URI1: variants seen among roughly 807,000 people sequenced by gnomAD.
URI1 encodes unconventional prefoldin RPB5 interactor 1.
In URI1, 39 loss-of-function variants were observed where a neutral mutation model predicts 60.2. The observed-to-expected ratio is 0.65, with a 90% CI of 0.50 to 0.85. The LOEUF (loss-of-function observed/expected upper bound fraction) is 0.85, where lower values mean the gene tolerates loss of function less well. URI1 is among the 40% of genes least tolerant of loss of function. The pLI is 0.00. For synonymous variants in URI1, 251 were observed against 236.8 expected (o/e 1.06, Z -0.55); for missense variants, 691 against 665.9 (o/e 1.04, Z -0.42).
chr19:29,992,123 G>A (rs1018167058), intron 4 of URI1, among the ~76,000 whole-genome samples: 4 of 152,188 alleles, frequency 2.6e-5, no homozygotes, highest in Non-Finnish European at 5.9e-5. Context: ...AGGCTGGAGT[G>A]CAGTGGCCTG....
At chr19:29,978,995 T>C (rs1161889007) in intron 2 of URI1, among the ~76,000 whole-genome samples, 1 of 152,012 alleles carries the variant, frequency 6.6e-6, no homozygotes, top group Non-Finnish European at 1.5e-5. Context: ...GAGCCTAGAG[T>C]TTTTCTAGTT....
intron 1 of URI1, among the ~76,000 whole-genome samples, chr19:29,944,197 CTT>C (rs1219199410): frequency 1.6e-5 from 1 of 60,866 alleles, no homozygotes; most frequent in South Asian, 5.2e-4. Context: ...ATATATAAAA[CTT>C]AACTAGTTTG....
At chr19:29,941,324 G>T (rs939445625), upstream of URI1, among the ~76,000 whole-genome samples, 1 of 152,138 alleles carries the variant, frequency 6.6e-6, no homozygotes, top group Non-Finnish European at 1.5e-5. Flanking sequence ...TAAAATAATT[G>T]GAACGGCCAG....
At chr19:30,011,687 T>G (rs979667745) in intron 9 of URI1, among the ~76,000 whole-genome samples, 1 of 151,982 alleles carries the variant, frequency 6.6e-6, no homozygotes, top group Non-Finnish European at 1.5e-5. Flanking sequence ...ATACCTACTG[T>G]TTTTATGACC....
At chr19:29,928,167 C>G (rs994652946) in intron 1 of URI1, among the ~76,000 whole-genome samples, 3 of 152,084 alleles carry the variant, frequency 2.0e-5, no homozygotes, top group Non-Finnish European at 4.4e-5. Flanking sequence ...GCATGAGCCT[C>G]TGAATGAGAG....
intron 4 of URI1, among the ~76,000 whole-genome samples, chr19:29,988,167 C>CAAAA (rs34327695): frequency 7.1e-6 from 1 of 140,514 alleles, no homozygotes; most frequent in Non-Finnish European, 1.5e-5. Flanking sequence ...AATTTTGTCT[C>CAAAA]AAAAAAAAAA....
At chr19:29,973,797 A>T (rs954455355) in intron 2 of URI1, among the ~76,000 whole-genome samples, 1 of 152,194 alleles carries the variant, frequency 6.6e-6, no homozygotes, top group Non-Finnish European at 1.5e-5. Flanking sequence ...AAAAGGAAAG[A>T]TTCAAGCCTA....
chr19:30,003,738 T>C (rs1568442879), intron 4 of URI1, among the ~76,000 whole-genome samples: 1 of 152,054 alleles, frequency 6.6e-6, no homozygotes, highest in Non-Finnish European at 1.5e-5. Flanking sequence ...TACCTTTAGC[T>C]TAGTTGCACA....
In URI1 at chr19:29,942,491, G is replaced by T. The variant is rs1408004514; in HGVS notation, c.-57G>T. 1.7e-6 allele frequency: 2 copies of T among 1,143,508 alleles called. No individual in the cohort carries two copies. Among genetic ancestry groups the T allele is most frequent in the African/African-American group, 1.6e-5 (1 of 61,100 alleles). The allele number at this position is 1,143,508 out of a possible 1,614,324, so 70.8% of individuals were successfully genotyped here. On this transcript the variant is annotated 5_prime_UTR_variant, in exon 1 of 11. Transcript: ENST00000392271. ...GCGCTGGGCAACTGCCGGCCGCGCC[G>T]CCTGCGCAGGCGCTGGTTCAGGACT... is the stretch of plus-strand genomic sequence containing the variant.
intron 1 of URI1, among the ~76,000 whole-genome samples, chr19:29,934,357 G>A (rs2054949942): frequency 1.3e-5 from 2 of 152,198 alleles, no homozygotes; most frequent in South Asian, 4.1e-4. Context: ...TTATCACGAA[G>A]TGAGTAGCTT....
At chr19:29,975,294 A>G (rs921910351) in intron 2 of URI1, among the ~76,000 whole-genome samples, 2 of 152,156 alleles carry the variant, frequency 1.3e-5, no homozygotes, top group Admixed American at 6.5e-5. Flanking sequence ...TTTGAAATGA[A>G]TCTAAGCCGT....
At chr19:30,007,400 C>T in intron 6 of URI1, 70 bp from the exon 7 acceptor site, 1 of 1,525,184 alleles carries the variant, frequency 6.6e-7, no homozygotes, top group African/African-American at 1.4e-5. Context: ...AAGAAAGTCT[C>T]ATTAAGTCTG....
intron 1 of URI1, among the ~76,000 whole-genome samples, chr19:29,933,584 G>A (rs981290243): frequency 6.6e-6 from 1 of 151,932 alleles, no homozygotes; most frequent in Admixed American, 6.6e-5. Context: ...ACTTTTGGAG[G>A]CTGAGGTGGG....
chr19:29,925,091 C>T (rs1193652761), intron 1 of URI1, among the ~76,000 whole-genome samples: 3 of 152,214 alleles, frequency 2.0e-5, no homozygotes, highest in Non-Finnish European at 4.4e-5. Context: ...CTGCCTTGGC[C>T]TCCCAAAGTG....
At chr19:30,008,265 A>C (rs1045596547) in intron 7 of URI1, among the ~76,000 whole-genome samples, 1 of 152,158 alleles carries the variant, frequency 6.6e-6, no homozygotes, top group Non-Finnish European at 1.5e-5. Context: ...TAAATGATGT[A>C]CCATATGCAA....
intron 2 of URI1, among the ~76,000 whole-genome samples, chr19:29,981,363 C>T (rs2055595383): frequency 3.3e-5 from 5 of 152,144 alleles, no homozygotes; most frequent in Admixed American, 3.3e-4. Context: ...TGATTTCTCT[C>T]TTACTTTCTA....
At chr19:30,005,629 T>C (rs2145432196) in intron 5 of URI1, 22 bp from the exon 6 acceptor site, 3 of 1,564,588 alleles carry the variant, frequency 1.9e-6, no homozygotes, top group East Asian at 2.3e-5. Flanking sequence ...GTTAATACGC[T>C]TTTTTTTTGT....
Position 30,015,147 on chromosome 19 carries a change from T to C in URI1, c.*78T>C, listed in dbSNP as rs555338954. The C allele has an allele frequency of 3.5e-5, 53 of 1,519,652 alleles. No individual in the cohort carries two copies. In the African/African-American group the frequency reaches 7.0e-4, roughly 20 times the overall value. 94.1% of individuals were successfully genotyped at this position (1,519,652 alleles called of 1,614,324 possible). ...TTAGAGTATCTATAGCAAAATAGGT[T>C]ACATGTAGTTTGAAATAAGGTATCC... On this transcript the variant is annotated 3_prime_UTR_variant, in exon 11 of 11. Coordinates refer to ENST00000392271, the MANE Select transcript of URI1 (RefSeq NM_003796.3).
intron 2 of URI1, among the ~76,000 whole-genome samples, chr19:29,983,017 T>C (rs2055617861): frequency 6.6e-6 from 1 of 152,236 alleles, no homozygotes; most frequent in Non-Finnish European, 1.5e-5. Flanking sequence ...GCCATGTTCT[T>C]TCTGGTACAT....
Sources: gnomAD v4.1 joint callset for allele counts (sites outside exome capture counted in the v4.1 genomes callset) on GRCh38, gnomAD v4.1.1 for gene constraint, MANE v1.5 for transcripts, NCBI Gene and HGNC (gene_info 2026-07-23, HGNC 2026-07-21) for gene names.